COL4A3: variants seen among roughly 807,000 people sequenced by gnomAD.
COL4A3 encodes collagen type IV alpha 3 chain.
Under a neutral mutation model 217.4 loss-of-function variants are expected in COL4A3, and 135 were observed. That is an observed-to-expected ratio of 0.62 (90% confidence interval 0.54 to 0.72). COL4A3 has a LOEUF of 0.72. COL4A3 is among the 30% of genes least tolerant of loss of function. COL4A3 has a pLI of 0.00. For synonymous variants in COL4A3, 690 were observed against 736.3 expected (o/e 0.94, Z 1.02); for missense variants, 1,868 against 2,119.9 (o/e 0.88, Z 2.33).
chr2:227,246,026 T>C lies in COL4A3; in HGVS notation c.387+10T>C. 1 of 1,599,400 alleles carries C rather than the reference T, an allele frequency of 6.3e-7. No individual in the cohort carries two copies. Among genetic ancestry groups the C allele is most frequent in the East Asian group, 2.2e-5 (1 of 44,812 alleles). ...ATGCAGTGGTTCTAAGGTAAGTACT[T>C]TTCACACAGAAGATGATTAATAAAT... On this transcript the variant is annotated intron_variant, in intron 6 of 51. Coordinates refer to ENST00000396578, the MANE Select transcript of COL4A3 (RefSeq NM_000091.5).
intron 1 of COL4A3, among the ~76,000 whole-genome samples, chr2:227,224,528 A>G (rs755909470): frequency 2.0e-5 from 3 of 152,224 alleles, no homozygotes; most frequent in Non-Finnish European, 4.4e-5. Context: ...AGGCGGGTGG[A>G]TCACCTGAGG....
At chr2:227,271,025 C>T in intron 25 of COL4A3, 73 bp downstream of exon 25, 1 of 1,510,286 alleles carries the variant, frequency 6.6e-7, no homozygotes, top group Non-Finnish European at 9.2e-7. Context: ...GATTTCTTTT[C>T]CAAAAATGGT....
intron 48 of COL4A3, 47 bp from the exon 49 acceptor site, chr2:227,308,852 A>G (rs765664911): frequency 1.9e-6 from 3 of 1,592,514 alleles, no homozygotes; most frequent in Non-Finnish European, 2.6e-6. Flanking sequence ...GATGCTGAAA[A>G]TAACTTTAAC....
chr2:227,297,612 T>A, intron 41 of COL4A3, 62 bp from the exon 42 acceptor site: 1 of 1,496,356 alleles, frequency 6.7e-7, no homozygotes, highest in South Asian at 1.2e-5. Flanking sequence ...TTAAAGATAG[T>A]CAAGAACTCT....
rs761109950 is a variant in COL4A3, at chr2:227,295,222, G to A, written c.3518-47G>A. On this transcript the variant is annotated intron_variant, in intron 40 of 51. Transcript: ENST00000396578. The stretch of plus-strand genomic sequence containing the variant: ...TAAACTTTTCTCATAGACATATAAT[G>A]TAATGAAATTGACCAATTATTAACA... The A allele has an allele frequency of 3.8e-6, 6 of 1,588,860 alleles. No individual in the cohort carries two copies. In the East Asian group the frequency reaches 1.1e-4, roughly 30 times the overall value.
intron 23 of COL4A3, chr2:227,268,651 T>A (rs772416452): frequency 1.3e-5 from 2 of 152,182 alleles, no homozygotes; most frequent in Non-Finnish European, 2.9e-5. Flanking sequence ...AGGCCTCTGC[T>A]ACTTTCAGTG....
intron 1 of COL4A3, among the ~76,000 whole-genome samples, chr2:227,190,602 A>G: frequency 6.6e-6 from 1 of 152,228 alleles, no homozygotes; most frequent in East Asian, 1.9e-4. Context: ...AAGTGTATTA[A>G]TTATTTTCTA....
At chr2:227,175,300 C>T (rs1160181330) in intron 1 of COL4A3, among the ~76,000 whole-genome samples, 2 of 152,014 alleles carry the variant, frequency 1.3e-5, no homozygotes, top group South Asian at 2.1e-4. Flanking sequence ...GGTGACACCC[C>T]ATCTCTACTA....
At chr2:227,189,760 G>A (rs866780510) in intron 1 of COL4A3, among the ~76,000 whole-genome samples, 19 of 152,106 alleles carry the variant, frequency 1.2e-4, no homozygotes, top group African/African-American at 4.6e-4. Context: ...AAGTCATGGA[G>A]GTTTCAGGTG....
chr2:227,294,563 C>G lies in COL4A3; in HGVS notation c.3411C>G (p.Gly1137=), dbSNP rs750872451. ...TCCTGGGCCCTCCAGGAATCAGAGG[C>G]CCTCCAGGTTTCATTTTTGTACTTT... is the stretch of plus-strand genomic sequence containing the variant. The part of the protein sequence containing the change: ...KGLLGPPGIR[G]PPGLPGFPGS... Residue 1137 remains glycine (G), a synonymous_variant, in exon 39 of 52, where the codon GGC becomes GGG. Transcript: ENST00000396578. The G allele has an allele frequency of 6.2e-7, 1 of 1,609,406 alleles. No individual in the cohort carries two copies. Among genetic ancestry groups the G allele is most frequent in the Admixed American group, 1.7e-5 (1 of 60,018 alleles).
chr2:227,312,073 C>T lies in COL4A3; in HGVS notation c.*203C>T, dbSNP rs1174810930. 7.8e-6 allele frequency: 7 copies of T among 893,208 alleles called. No individual in the cohort carries two copies. The highest frequency in any genetic ancestry group is 1.2e-5 in the Non-Finnish European group (7 of 603,042). The allele number at this position is 893,208 out of a possible 1,614,324, so 55.3% of individuals were successfully genotyped here. On this transcript the variant is annotated 3_prime_UTR_variant, in exon 52 of 52. Transcript: ENST00000396578. ...TCTGGGTCTCTAATCTGTGCTGTTTCAAAGTTCTCTGTGGCAAAGCAGCAA... is the reference window on the plus strand; with the variant it reads ...TCTGGGTCTCTAATCTGTGCTGTTTTAAAGTTCTCTGTGGCAAAGCAGCAA...
intron 1 of COL4A3, among the ~76,000 whole-genome samples, chr2:227,202,230 C>A (rs1259178612): frequency 2.6e-5 from 4 of 152,154 alleles, no homozygotes; most frequent in South Asian, 2.1e-4. Context: ...ATGCAATTCA[C>A]CTGTATTCGG....
rs1326224039 is a variant in COL4A3 at position 227,285,639 on chromosome 2, A to G, written c.2881+1294A>G. ...TAGAAACATTTTGGAAAAAATATGA[A>G]TAGCATATCTCTGCCTACATAAGCA... is the stretch of plus-strand genomic sequence containing the variant. On this transcript the variant is annotated intron_variant, in intron 34 of 51. Transcript: ENST00000396578. Among the ~76,000 whole-genome samples the G allele has an allele frequency of 2.6e-5, 4 of 152,254 alleles. No homozygotes were observed. The East Asian group carries it at 7.7e-4, about 29-fold the overall frequency.
intron 22 of COL4A3, among the ~76,000 whole-genome samples, chr2:227,266,736 G>T (rs1396628045): frequency 5.3e-5 from 8 of 152,130 alleles, no homozygotes; most frequent in Admixed American, 1.3e-4. Context: ...CTGCATGCAA[G>T]GAAAGAAACA....
intron 46 of COL4A3, among the ~76,000 whole-genome samples, chr2:227,304,732 T>C (rs1041403698): frequency 6.6e-6 from 1 of 152,222 alleles, no homozygotes; most frequent in Non-Finnish European, 1.5e-5. Flanking sequence ...AGAACATAAA[T>C]AAAAATTGCA....
At chr2:227,219,051 A>G (rs941749801) in intron 1 of COL4A3, among the ~76,000 whole-genome samples, 2 of 151,726 alleles carry the variant, frequency 1.3e-5, no homozygotes, top group Admixed American at 6.6e-5. Context: ...CTGGAGTGCA[A>G]TGGCACAATC....
chr2:227,190,257 G>A (rs960774364), intron 1 of COL4A3, among the ~76,000 whole-genome samples: 8 of 152,194 alleles, frequency 5.3e-5, no homozygotes, highest in African/African-American at 1.7e-4. Flanking sequence ...TCAAGAGAGT[G>A]ATGCTTCTCC....
intron 40 of COL4A3, 22 bp from the exon 41 acceptor site, chr2:227,295,247 A>G (rs942958073): frequency 6.4e-5 from 104 of 1,613,208 alleles, no homozygotes; most frequent in Non-Finnish European, 8.7e-5. Context: ...AATTATTAAC[A>G]TGCCAAGATT....
At chr2:227,232,242 G>A (rs1444508334) in intron 1 of COL4A3, among the ~76,000 whole-genome samples, 1 of 152,140 alleles carries the variant, frequency 6.6e-6, no homozygotes, top group African/African-American at 2.4e-5. Flanking sequence ...CCAAATCTTA[G>A]CTATAGTATA....
Sources: gnomAD v4.1 joint callset for allele counts (sites outside exome capture counted in the v4.1 genomes callset) on GRCh38, gnomAD v4.1.1 for gene constraint, MANE v1.5 for transcripts, NCBI Gene and HGNC (gene_info 2026-07-23, HGNC 2026-07-21) for gene names.